The following PRKAR2B variants were observed in gnomAD, a reference collection of about 807,000 sequenced individuals.
PRKAR2B encodes cAMP-dependent protein kinase type II-beta regulatory subunit.
A neutral mutation model predicts 49.9 loss-of-function variants in PRKAR2B; 14 were observed. The ratio of observed to expected loss-of-function variants is 0.28; its 90% CI spans 0.19 to 0.44. The LOEUF is 0.44. Among genes scored for constraint, PRKAR2B ranks in the 20% least tolerant of loss-of-function variants. PRKAR2B has a pLI of 1.00. For missense variants in PRKAR2B, 393 were observed against 537.9 expected (o/e 0.73, Z 2.67); for synonymous variants, 196 against 197.7 (o/e 0.99, Z 0.07).
At chr7:107,066,291 C>A (rs73413342) in intron 1 of PRKAR2B, among the ~76,000 whole-genome samples, 11,239 of 127,286 alleles carry the variant, frequency 0.088, 477 homozygotes, top group African/African-American at 0.13. Flanking sequence ...CTAGTTTTCT[C>A]TCTATGTGGG....
rs576334467 is a variant in PRKAR2B at position 107,079,912 on chromosome 7, G to A, written c.343+9596G>A. On this transcript the variant is annotated intron_variant, in intron 2 of 10. Transcript: ENST00000265717. ...ATTTCTCCAGGCATGTGTGTAGAGC[G>A]GTGTGAGATTCCTGAGTAGTGTGTG... 5.3e-5 allele frequency among the ~76,000 whole-genome samples: 8 copies of A among 150,122 alleles called. 1 individual carries two copies. The South Asian group carries it at 1.3e-3, about 24-fold the overall frequency.
At chr7:107,090,369 A>G (rs902471591) in intron 2 of PRKAR2B, among the ~76,000 whole-genome samples, 1 of 152,150 alleles carries the variant, frequency 6.6e-6, no homozygotes, top group Admixed American at 6.5e-5. Context: ...CTCTCATTCA[A>G]GGCTTCCCCA....
Position 107,153,214 on chromosome 7 carries a change from C to T in PRKAR2B, c.881C>T (p.Thr294Ile). ...CTGAAAGTAGTAGATGTGATAGGCACCAAAGTATACAACGATGGAGAACAA... is the reference window on the plus strand; with the variant it reads ...CTGAAAGTAGTAGATGTGATAGGCATCAAAGTATACAACGATGGAGAACAA... The part of the protein sequence containing the change: ...ERLKVVDVIG[T>I]KVYNDGEQII... The change falls in exon 8 of 11, where the codon ACC becomes ATC. Residue 294 changes from threonine (T) to isoleucine (I), a missense_variant. Transcript: ENST00000265717. 7 of 1,608,248 alleles carry T rather than the reference C, an allele frequency of 4.4e-6. No homozygotes were observed. Among genetic ancestry groups the T allele is most frequent in the Non-Finnish European group, 5.9e-6 (7 of 1,177,192 alleles).
In PRKAR2B at chr7:107,079,872, A is replaced by G. The variant is rs558711677; in HGVS notation, c.343+9556A>G. On this transcript the variant is annotated intron_variant, in intron 2 of 10. Transcript: ENST00000265717. The stretch of plus-strand genomic sequence containing the variant: ...ATGTGAAGTAAAGAAATGAGAATGC[A>G]AGGAGGATGGGAAGATTTCTCCAGG... Among the ~76,000 whole-genome samples, 40 of 152,330 alleles carry G rather than the reference A, an allele frequency of 2.6e-4. No individual in the cohort carries two copies. In the South Asian group the frequency reaches 3.5e-3, roughly 13 times the overall value.
chr7:107,070,185 G>T, intron 1 of PRKAR2B, 96 bp from the exon 2 acceptor site: 1 of 798,520 alleles, frequency 1.3e-6, no homozygotes, highest in Non-Finnish European at 2.0e-6. Flanking sequence ...TTTTTCTTTA[G>T]TTAAATTATA....
intron 2 of PRKAR2B, among the ~76,000 whole-genome samples, chr7:107,072,000 C>T (rs911931599): frequency 4.6e-5 from 7 of 151,040 alleles, no homozygotes; most frequent in East Asian, 3.9e-4. Flanking sequence ...ACCCGGAAGG[C>T]GGAGCTTGCA....
chr7:107,112,870 T>TG (rs1306913029), intron 2 of PRKAR2B, among the ~76,000 whole-genome samples: 11 of 152,148 alleles, frequency 7.2e-5, no homozygotes, highest in Non-Finnish European at 1.6e-4. Context: ...AATAATTTTT[T>TG]TAGACTTCTG....
At chr7:107,069,066 C>G (rs1028347045) in intron 1 of PRKAR2B, among the ~76,000 whole-genome samples, 1 of 152,136 alleles carries the variant, frequency 6.6e-6, no homozygotes, top group Non-Finnish European at 1.5e-5. Flanking sequence ...TCCCAAGTAG[C>G]TGGGATTAGA....
chr7:107,048,533 C>T (rs1293998669), intron 1 of PRKAR2B, among the ~76,000 whole-genome samples: 2 of 152,116 alleles, frequency 1.3e-5, no homozygotes, highest in African/African-American at 4.8e-5. Flanking sequence ...GCAACTTGTG[C>T]CCATTGACAA....
intron 7 of PRKAR2B, 43 bp from the exon 8 acceptor site, chr7:107,153,134 A>G (rs756209589): frequency 1.3e-6 from 2 of 1,493,090 alleles, no homozygotes; most frequent in Non-Finnish European, 1.8e-6. Flanking sequence ...AAGCTTACCC[A>G]GTTAATTTGT....
intron 2 of PRKAR2B, among the ~76,000 whole-genome samples, chr7:107,086,856 T>C (rs926905015): frequency 6.6e-6 from 1 of 152,210 alleles, no homozygotes; most frequent in Non-Finnish European, 1.5e-5. Flanking sequence ...CGAACTATCC[T>C]TATATTCCTG....
At chr7:107,134,300 A>G (rs1417271270) in intron 4 of PRKAR2B, among the ~76,000 whole-genome samples, 1 of 152,142 alleles carries the variant, frequency 6.6e-6, no homozygotes, top group African/African-American at 2.4e-5. Flanking sequence ...AAGTGCTGGG[A>G]TTATAGGTGT....
In PRKAR2B at chr7:107,150,673, A is replaced by G. The variant is rs552048175; in HGVS notation, c.742-249A>G. Among the ~76,000 whole-genome samples, 29 of 149,288 alleles carry G rather than the reference A, an allele frequency of 1.9e-4. No individual in the cohort carries two copies. In the South Asian group the frequency reaches 5.9e-3, roughly 31 times the overall value. On this transcript the variant is annotated intron_variant, in intron 6 of 10. Transcript: ENST00000265717. ...CATATTGGTCAGATTTCTGTTATGT[A>G]TAAAAAGTCAACAGATGCTTTCTTT... is the stretch of plus-strand genomic sequence containing the variant.
At chr7:107,050,048 T>G (rs1266387348) in intron 1 of PRKAR2B, among the ~76,000 whole-genome samples, 1 of 152,194 alleles carries the variant, frequency 6.6e-6, no homozygotes, top group Non-Finnish European at 1.5e-5. Flanking sequence ...GGTGGATTGC[T>G]TTAGGGGTTG....
At chr7:107,053,626 T>A (rs769452158) in intron 1 of PRKAR2B, among the ~76,000 whole-genome samples, 4 of 151,380 alleles carry the variant, frequency 2.6e-5, no homozygotes, top group African/African-American at 4.9e-5. Context: ...GTTGGCAGAA[T>A]ACAGAGGAAA....
intron 1 of PRKAR2B, among the ~76,000 whole-genome samples, chr7:107,059,014 G>A (rs528554357): frequency 4.6e-5 from 7 of 152,152 alleles, no homozygotes; most frequent in Admixed American, 6.5e-5. Context: ...GGCCACGCAC[G>A]GTGGCTCACG....
In PRKAR2B at chr7:107,089,702, CTAAGGCCAACCTTACT is replaced by C. The variant is rs769233803; in HGVS notation, c.343+19388_343+19403del. Among the ~76,000 whole-genome samples the C allele has an allele frequency of 1.3e-3, 191 of 152,288 alleles. 1 individual carries two copies. The highest frequency in any genetic ancestry group is 5.7e-4 in the Non-Finnish European group (39 of 68,006). On this transcript the variant is annotated intron_variant, in intron 2 of 10. Coordinates refer to ENST00000265717, the MANE Select transcript of PRKAR2B (RefSeq NM_002736.3). ...GGAACATAAAAACTAAATTAAAGAT[CTAAGGCCAACCTTACT>C]TGTTTTGCAGATTTATTCATTTGCT...
At chr7:107,067,289 T>A (rs1794170749) in intron 1 of PRKAR2B, 1 of 152,176 alleles carries the variant, frequency 6.6e-6, no homozygotes, top group Non-Finnish European at 1.5e-5. Flanking sequence ...GACCGTTAAC[T>A]TGCTGAAAGT....
At chr7:107,087,513 A>T (rs558913017) in intron 2 of PRKAR2B, among the ~76,000 whole-genome samples, 1 of 152,302 alleles carries the variant, frequency 6.6e-6, no homozygotes, top group East Asian at 1.9e-4. Context: ...TCATTTTATT[A>T]TTTAAGTGCA....
Sources: allele counts gnomAD v4.1 joint callset (sites outside exome capture counted in the v4.1 genomes callset), GRCh38; gene constraint gnomAD v4.1.1; transcripts MANE v1.5; gene names NCBI Gene and HGNC (gene_info 2026-07-23, HGNC 2026-07-21).